The following CHST9 variants were observed in gnomAD, a reference collection of about 807,000 sequenced individuals.
CHST9 encodes GalNAc-4-sulfotransferase 2.
A neutral mutation model predicts 44.4 loss-of-function variants in CHST9; 41 were observed. The observed-to-expected ratio is 0.92, with a 90% CI of 0.72 to 1.20. The LOEUF (loss-of-function observed/expected upper bound fraction) is 1.20. Ranked by LOEUF, CHST9 falls within the 50% of genes most tolerant of loss-of-function variation. The probability of loss-of-function intolerance (pLI) is 0.00; values close to 1 mark genes in which losing one functional copy is unlikely to be tolerated. For synonymous variants in CHST9, 171 were observed against 178.4 expected, an observed-to-expected ratio of 0.96 and a Z score of 0.33; for missense variants, 504 against 516.5, an observed-to-expected ratio of 0.98 and a Z score of 0.23.
intron 4 of CHST9, among the ~76,000 whole-genome samples, chr18:26,982,555 A>T (rs909116927): frequency 1.3e-5 from 2 of 152,080 alleles, no homozygotes; most frequent in African/African-American, 4.8e-5. Flanking sequence ...ACCGTTCCAG[A>T]CCTTACTGGG....
intron 2 of CHST9, among the ~76,000 whole-genome samples, chr18:27,113,997 A>G (rs146824001): frequency 1.3e-4 from 20 of 152,302 alleles, no homozygotes; most frequent in South Asian, 6.2e-4. Flanking sequence ...ACATAATGCA[A>G]ACACTTACTT....
At chr18:27,103,703 C>T (rs1000627151) in intron 2 of CHST9, among the ~76,000 whole-genome samples, 7 of 152,102 alleles carry the variant, frequency 4.6e-5, no homozygotes, top group African/African-American at 1.4e-4. Flanking sequence ...ATGCCTTTGG[C>T]GAGTTAAGCC....
chr18:26,944,438 C>G (rs1015168319), intron 4 of CHST9, 72 bp from the exon 5 acceptor site: 1 of 1,072,266 alleles, frequency 9.3e-7, no homozygotes, highest in African/African-American at 1.6e-5. Flanking sequence ...TGATGCTGCT[C>G]TGTTTACAGT....
At chr18:27,160,638 G>A (rs1255000661) in intron 1 of CHST9, among the ~76,000 whole-genome samples, 1 of 152,180 alleles carries the variant, frequency 6.6e-6, no homozygotes, top group South Asian at 2.1e-4. Flanking sequence ...ATGAGTTAGG[G>A]AGGATTCCCT....
At chr18:27,053,139 A>AGAAGAAGAAGAAGAAGAAGAG (rs1568150814) in intron 2 of CHST9, among the ~76,000 whole-genome samples, 13 of 112,234 alleles carry the variant, frequency 1.2e-4, no homozygotes, top group Non-Finnish European at 1.8e-4. Context: ...AGGAAGAAGA[A>AGAAGAAGAAGAAGAAGAAGAG]GAAGAAGAAG....
chr18:27,103,968 G>C (rs2058197541), intron 2 of CHST9, among the ~76,000 whole-genome samples: 2 of 152,196 alleles, frequency 1.3e-5, no homozygotes, highest in Admixed American at 6.5e-5. Flanking sequence ...TGATGCAAGG[G>C]GGTGAGAATT....
intron 2 of CHST9, among the ~76,000 whole-genome samples, chr18:27,127,041 G>C (rs926379831): frequency 7.9e-5 from 12 of 152,148 alleles, no homozygotes; most frequent in Admixed American, 2.6e-4. Context: ...CTGAATCGGA[G>C]TATTCTGGAG....
chr18:26,957,949 C>T (rs2056348043), intron 4 of CHST9, among the ~76,000 whole-genome samples: 1 of 151,718 alleles, frequency 6.6e-6, no homozygotes, highest in African/African-American at 2.4e-5. Context: ...TGCAGTGGCA[C>T]GATCTCCACT....
At chr18:27,102,917 G>C (rs1331450960) in intron 2 of CHST9, among the ~76,000 whole-genome samples, 2 of 152,050 alleles carry the variant, frequency 1.3e-5, no homozygotes, top group Admixed American at 6.5e-5. Context: ...AATGTAAGAA[G>C]GTAATATATT....
chr18:27,138,661 A>G (rs2058537872), intron 2 of CHST9, among the ~76,000 whole-genome samples: 1 of 152,188 alleles, frequency 6.6e-6, no homozygotes, highest in South Asian at 2.1e-4. Flanking sequence ...TTCATTGTGC[A>G]TTACTGTTTG....
chr18:26,914,864 GA>G lies in CHST9; in HGVS notation c.*1394del, dbSNP rs1471478833. 5.0e-6 allele frequency: 2 copies of G among 397,548 alleles called. No individual in the cohort carries two copies. Among genetic ancestry groups the G allele is most frequent in the Non-Finnish European group, 8.9e-6 (2 of 225,426 alleles). 24.6% of individuals were successfully genotyped at this position (397,548 alleles called of 1,614,324 possible). Reference sequence around the variant, plus strand: ...AGCTTAGGAAGAGGAAGATGTTCAGGAAAAGCATTTAAGCAGGGTTTGAAAG... The same window carrying G: ...AGCTTAGGAAGAGGAAGATGTTCAGGAAAGCATTTAAGCAGGGTTTGAAAG... On this transcript the variant is annotated 3_prime_UTR_variant, in exon 6 of 6. Transcript: ENST00000618847.
intron 4 of CHST9, among the ~76,000 whole-genome samples, chr18:27,008,057 A>G (rs1425365560): frequency 6.6e-6 from 1 of 152,156 alleles, no homozygotes; most frequent in Non-Finnish European, 1.5e-5. Flanking sequence ...TCATGGGAGG[A>G]CACGGAGAGA....
At chr18:26,983,535 A>G in intron 4 of CHST9, among the ~76,000 whole-genome samples, 1 of 152,182 alleles carries the variant, frequency 6.6e-6, no homozygotes, top group Non-Finnish European at 1.5e-5. Context: ...CCTCCCCAGA[A>G]GCCGAGCAGA....
chr18:27,143,847 A>C (rs943212487), intron 1 of CHST9, among the ~76,000 whole-genome samples: 9 of 152,256 alleles, frequency 5.9e-5, no homozygotes, highest in Admixed American at 4.6e-4. Context: ...ATGTATGCGG[A>C]GCTTAAATCC....
intron 3 of CHST9, among the ~76,000 whole-genome samples, chr18:27,039,232 A>G (rs1796602177): frequency 6.6e-6 from 1 of 152,218 alleles, no homozygotes; most frequent in South Asian, 2.1e-4. Context: ...TGTTCACAGC[A>G]GCATAATTCA....
intron 2 of CHST9, among the ~76,000 whole-genome samples, chr18:27,075,158 T>G (rs1203354273): frequency 7.5e-6 from 1 of 133,470 alleles, no homozygotes; most frequent in Non-Finnish European, 1.6e-5. Context: ...TTGCTTTTTT[T>G]GTTTGTTTTT....
intron 4 of CHST9, among the ~76,000 whole-genome samples, chr18:26,991,735 G>A (rs1325591745): frequency 1.4e-5 from 1 of 70,436 alleles, no homozygotes; most frequent in Non-Finnish European, 3.8e-5. Context: ...GAGGAGGAGG[G>A]AGTGATCAAC....
intron 4 of CHST9, among the ~76,000 whole-genome samples, chr18:26,965,548 C>T (rs146199177): frequency 4.6e-4 from 70 of 152,314 alleles, no homozygotes; most frequent in African/African-American, 1.5e-3. Flanking sequence ...AGCGCTACCA[C>T]CATTAGCTGA....
chr18:27,115,913 A>G (rs574414489), intron 2 of CHST9, among the ~76,000 whole-genome samples: 71 of 152,274 alleles, frequency 4.7e-4, no homozygotes, highest in African/African-American at 1.6e-3. Flanking sequence ...AACACCTTTT[A>G]TGTGCTTATT....
Sources: gnomAD v4.1 joint callset for allele counts (sites outside exome capture counted in the v4.1 genomes callset) on GRCh38, gnomAD v4.1.1 for gene constraint, MANE v1.5 for transcripts, NCBI Gene and HGNC (gene_info 2026-07-23, HGNC 2026-07-21) for gene names.